The following SH3TC1 variants were observed in gnomAD, a reference collection of about 807,000 sequenced individuals.
The protein encoded by SH3TC1 is SH3 domain and tetratricopeptide repeat-containing protein 1.
A neutral mutation model predicts 117.3 loss-of-function variants in SH3TC1; 135 were observed. That is an observed-to-expected ratio of 1.15 (90% CI 1.00 to 1.33). The LOEUF is 1.33. Ranked by LOEUF, SH3TC1 falls within the 40% of genes most tolerant of loss-of-function variation. The probability of loss-of-function intolerance (pLI) is 0.00; values close to 1 mark genes in which losing one functional copy is unlikely to be tolerated. For missense variants in SH3TC1, 2,092 were observed against 1,794.3 expected, an observed-to-expected ratio of 1.17 and a Z score of -3.00; for synonymous variants, 898 against 816.9, an observed-to-expected ratio of 1.10 and a Z score of -1.69.
intron 2 of SH3TC1, among the ~76,000 whole-genome samples, chr4:8,208,012 T>C (rs1265170716): frequency 6.6e-6 from 1 of 152,210 alleles, no homozygotes; most frequent in African/African-American, 2.4e-5. Context: ...GGTTCAGCAG[T>C]GGCGGGCTGG....
intron 2 of SH3TC1, among the ~76,000 whole-genome samples, chr4:8,207,269 G>A (rs986385472): frequency 3.9e-5 from 6 of 152,198 alleles, no homozygotes; most frequent in African/African-American, 7.2e-5. Flanking sequence ...CAGGAATCCC[G>A]CAGAAGTGAT....
At position 8,227,658 on chromosome 4, in the gene SH3TC1, C is replaced by T. The variant is rs774149278; in HGVS notation, c.1964C>T (p.Ala655Val). 1.1e-5 allele frequency: 17 copies of T among 1,528,718 alleles called. No individual in the cohort carries two copies. Among genetic ancestry groups the T allele is most frequent in the South Asian group, 3.9e-5 (3 of 76,718 alleles). The allele number at this position is 1,528,718 out of a possible 1,614,324, so 94.7% of individuals were successfully genotyped here. Residue 655 changes from alanine to valine, a missense_variant, in exon 12 of 18, where the codon GCG becomes GTG. Ala to Val is a moderately conservative substitution (Grantham distance 64). Transcript: ENST00000245105. ...CTCCTGCAGCTGGCGCTGCGGCGGG[C>T]GGTGGGTGGCCAGAGCCTGCAGGCC... ...GELLQLALRR[A>V]VGGQSLQAEA...
chr4:8,227,361 T>A lies in SH3TC1; in HGVS notation c.1667T>A (p.Leu556His). The A allele has an allele frequency of 6.3e-7, 1 of 1,590,430 alleles. No individual in the cohort carries two copies. Among genetic ancestry groups the A allele is most frequent in the Non-Finnish European group, 8.6e-7 (1 of 1,168,630 alleles). ...ARGAAKKAGLLMALARLCFLL... is the reference protein window; with the variant it reads ...ARGAAKKAGLHMALARLCFLL... ...GGGGCGGCCAAGAAAGCTGGCCTCC[T>A]CATGGCCCTGGCCAGGCTCTGCTTC... Residue 556 changes from leucine (L) to histidine (H), a missense_variant, in exon 12 of 18, where the codon CTC becomes CAC. Leu to His is a moderately conservative substitution (Grantham distance 99). Coordinates refer to ENST00000245105, the MANE Select transcript of SH3TC1 (RefSeq NM_018986.5).
At chr4:8,195,653 G>A (rs1022220972), upstream of SH3TC1, among the ~76,000 whole-genome samples, 11 of 152,322 alleles carry the variant, frequency 7.2e-5, no homozygotes, top group African/African-American at 7.2e-5. Flanking sequence ...TGTGGAGCCC[G>A]TCTGGGGGCT....
intron 1 of SH3TC1, among the ~76,000 whole-genome samples, chr4:8,203,971 A>G (rs1176232004): frequency 6.6e-6 from 1 of 152,182 alleles, no homozygotes; most frequent in Non-Finnish European, 1.5e-5. Context: ...TGGCAGCTGG[A>G]AGGCCCCAGC....
rs1470072733 is a variant in SH3TC1, at chr4:8,236,426, T to C, written c.3554T>C (p.Leu1185Pro). The C allele has an allele frequency of 6.8e-7, 1 of 1,461,866 alleles. No homozygotes were observed. Among genetic ancestry groups the C allele is most frequent in the African/African-American group, 1.4e-5 (1 of 69,238 alleles). The allele number at this position is 1,461,866 out of a possible 1,614,324, so 90.6% of individuals were successfully genotyped here. Residue 1185 changes from leucine (L) to proline (P), a missense_variant and splice_region_variant, in exon 16 of 18, where the codon CTG becomes CCG. Transcript: ENST00000245105. ...AHMALALSIT[L>P]GDRLNERVAY... ...ATGGCCCTAGCACTCAGCATCACCC[T>C]GGGTAAGCCCCCTGAGCCCCTGCCC...
Position 8,225,926 on chromosome 4 carries a change from G to A in SH3TC1, c.1285+710G>A, listed in dbSNP as rs1317569779. On this transcript the variant is annotated intron_variant, in intron 11 of 17. Transcript: ENST00000245105. This position sits in a 1 kb window ranked among gnomAD's most constrained non-coding sequence, Gnocchi z 5.5. ...CTCTGCCGAAGTCCCTGGAGCAAAT[G>A]CGAGTGACTCCAGCTGCCCCCAAGG... 1.3e-5 allele frequency among the ~76,000 whole-genome samples: 2 copies of A among 152,128 alleles called. No homozygotes were observed. The highest frequency in any genetic ancestry group is 4.8e-5 in the African/African-American group (2 of 41,414).
At chr4:8,213,453 C>T (rs1053676914) in intron 4 of SH3TC1, among the ~76,000 whole-genome samples, 12 of 152,188 alleles carry the variant, frequency 7.9e-5, no homozygotes, top group African/African-American at 2.7e-4. Context: ...GATTAACTCA[C>T]ACCAAGCACC....
At chr4:8,212,587 C>T in intron 3 of SH3TC1, 114 bp from the exon 4 acceptor site, 1 of 1,460,358 alleles carries the variant, frequency 6.8e-7, no homozygotes, top group South Asian at 1.3e-5. Context: ...GAGCTCACTG[C>T]CCAGGCCTTC....
intron 3 of SH3TC1, among the ~76,000 whole-genome samples, chr4:8,212,048 G>T (rs1461474308): frequency 6.6e-6 from 1 of 152,062 alleles, no homozygotes; most frequent in Non-Finnish European, 1.5e-5. Context: ...GGGGTGGGGG[G>T]TGGAGCCCAT....
In SH3TC1 at chr4:8,205,184, C is replaced by T. The variant is rs553070921; in HGVS notation, c.-11C>T. The stretch of plus-strand genomic sequence containing the variant: ...GTCCACAGGGCCAGGCATGTGAGGT[C>T]TCTGCGGGTCATGGAGAACCTCCCT... On this transcript the variant is annotated 5_prime_UTR_variant, in exon 2 of 18. Transcript: ENST00000245105. The surrounding 1 kb of genome is among the most constrained non-coding windows in gnomAD (Gnocchi z 5.4). 8.6e-6 allele frequency: 13 copies of T among 1,509,332 alleles called. No homozygotes were observed. In the African/African-American group the frequency reaches 1.7e-4, roughly 19 times the overall value. 93.5% of individuals were successfully genotyped at this position (1,509,332 alleles called of 1,614,324 possible).
upstream of SH3TC1, among the ~76,000 whole-genome samples, chr4:8,197,086 G>T (rs779726886): frequency 3.3e-5 from 5 of 152,158 alleles, no homozygotes; most frequent in Non-Finnish European, 7.3e-5. Context: ...GGTTATTTAG[G>T]TGGACCCCAA....
rs140572756 is a variant in SH3TC1, at chr4:8,232,031, C to T, written c.3006C>T (p.Ser1002=). Reference sequence around the variant, plus strand: ...ACTTCTACAGCGCCGTCATGCCCAGCGAGGCCCAGTGTGTCATCTACCATG... The same window carrying T: ...ACTTCTACAGCGCCGTCATGCCCAGTGAGGCCCAGTGTGTCATCTACCATG... ...LCHFYSAVMP[S]EAQCVIYHEL... is the part of the protein sequence containing the mutation. The change falls in exon 13 of 18, where the codon AGC becomes AGT. Residue 1002 remains serine, a synonymous_variant. Transcript: ENST00000245105. 46 of 1,613,030 alleles carry T rather than the reference C, an allele frequency of 2.9e-5. No individual in the cohort carries two copies. The highest frequency in any genetic ancestry group is 2.7e-4 in the East Asian group (12 of 44,892).
At position 8,227,913 on chromosome 4, in the gene SH3TC1, C is replaced by T. The variant is rs780837875; in HGVS notation, c.2219C>T (p.Ser740Leu). Residue 740 changes from serine to leucine, a missense_variant, in exon 12 of 18, where the codon TCG becomes TTG. Coordinates refer to ENST00000245105, the MANE Select transcript of SH3TC1 (RefSeq NM_018986.5). ...GTGGCCTCATTGCGGACACGGGGCT[C>T]GCTGGCCGGCTCGCTGAGGAGTGTG... Reference protein sequence around the residue: ...VKVASLRTRGSLAGSLRSVNL... With the variant: ...VKVASLRTRGLLAGSLRSVNL... 21 of 1,612,534 alleles carry T rather than the reference C, an allele frequency of 1.3e-5. No individual in the cohort carries two copies. Among genetic ancestry groups the T allele is most frequent in the Admixed American group, 8.3e-5 (5 of 60,004 alleles).
chr4:8,219,148 A>C (rs1180726522), intron 8 of SH3TC1, among the ~76,000 whole-genome samples, 187 bp from the exon 9 acceptor site: 1 of 152,150 alleles, frequency 6.6e-6, no homozygotes, highest in East Asian at 1.9e-4. Flanking sequence ...CAGAGGGATA[A>C]AAACATCCCC....
chr4:8,190,143 C>T lies in SH3TC1; in HGVS notation c.-57+7933C>T, dbSNP rs536407404. The stretch of plus-strand genomic sequence containing the variant: ...TGCCTGCGATCACCAGTGTGCTCCC[C>T]GTGACATCTGGCCCAGTCCAGGTGG... On this transcript the variant is annotated intron_variant, in intron 1 of 16. Transcript: ENST00000508641. The surrounding 1 kb of genome is among the most constrained non-coding windows in gnomAD (Gnocchi z 4.7). 1.6e-4 allele frequency among the ~76,000 whole-genome samples: 25 copies of T among 152,306 alleles called. No individual in the cohort carries two copies. Among genetic ancestry groups the T allele is most frequent in the East Asian group, 1.2e-3 (6 of 5,170 alleles).
At chr4:8,203,272 G>A (rs1371063742) in intron 1 of SH3TC1, among the ~76,000 whole-genome samples, 3 of 117,830 alleles carry the variant, frequency 2.5e-5, no homozygotes, top group Non-Finnish European at 4.0e-5. Context: ...ACAGGTGTGC[G>A]GGTGCGTGTG....
intron 1 of SH3TC1, among the ~76,000 whole-genome samples, chr4:8,203,015 G>T (rs764838566): frequency 1.3e-5 from 2 of 152,230 alleles, no homozygotes; most frequent in Non-Finnish European, 2.9e-5. Flanking sequence ...GGGGGCAGGG[G>T]TGATGGCTGG....
In SH3TC1 at chr4:8,205,749, A is replaced by C; in HGVS notation, c.172+383A>C. ...CATCCTCGTTCTCCAGGAGGCACCC[A>C]AGGTGCAGAGAGGGAAGGGCCGGGC... On this transcript the variant is annotated intron_variant, in intron 2 of 17. Transcript: ENST00000245105. The surrounding 1 kb of genome is among the most constrained non-coding windows in gnomAD (Gnocchi z 5.4). The C allele has an allele frequency of 1.5e-6, 1 of 678,554 alleles. No homozygotes were observed. The highest frequency in any genetic ancestry group is 1.5e-5 in the South Asian group (1 of 65,714). The allele number at this position is 678,554 out of a possible 1,614,324, so 42.0% of individuals were successfully genotyped here. A position where few individuals can be genotyped will look rare whatever the true frequency, so the allele number is the denominator to read the frequency against.
Sources: gnomAD v4.1 joint callset for allele counts (sites outside exome capture counted in the v4.1 genomes callset) on GRCh38, gnomAD v4.1.1 for gene constraint, Gnocchi (gnomAD v3.1) non-coding constraint, MANE v1.5 for transcripts, NCBI Gene and HGNC (gene_info 2026-07-23, HGNC 2026-07-21) for gene names.